The following CLVS1 variants were observed in gnomAD, a reference collection of about 807,000 sequenced individuals.
The protein encoded by CLVS1 is clavesin-1.
A neutral mutation model predicts 33.1 loss-of-function variants in CLVS1; 10 were observed. The ratio of observed to expected loss-of-function variants is 0.30; its 90% CI spans 0.19 to 0.51. The LOEUF (loss-of-function observed/expected upper bound fraction) is 0.51, where lower values mean the gene tolerates loss of function less well. Ranked by LOEUF, CLVS1 falls within the 20% of genes least tolerant of loss-of-function variation. CLVS1 has a pLI of 0.97. For synonymous variants in CLVS1, 163 were observed against 166.1 expected (o/e 0.98, Z 0.14); for missense variants, 343 against 433.4 (o/e 0.79, Z 1.85).
At chr8:61,045,759 G>A in the CLVS1 span, among the ~76,000 whole-genome samples, 1 of 152,206 alleles carries the variant, frequency 6.6e-6, no homozygotes, top group African/African-American at 2.4e-5. Flanking sequence ...GGAGGTGGCT[G>A]CTTCCATGAA....
upstream of CLVS1, among the ~76,000 whole-genome samples, chr8:61,285,593 T>C (rs959960601): frequency 2.6e-5 from 4 of 152,210 alleles, no homozygotes; most frequent in African/African-American, 9.6e-5. Context: ...ACCTCGCTCC[T>C]GGCACGCCCA....
upstream of CLVS1, among the ~76,000 whole-genome samples, chr8:61,052,685 T>C: frequency 6.6e-6 from 1 of 152,064 alleles, no homozygotes; most frequent in East Asian, 1.9e-4. Context: ...AGGAGATCAC[T>C]CTGGAGAAAT....
chr8:61,177,728 T>G (rs1026151375), intron 2 of CLVS1, among the ~76,000 whole-genome samples: 2 of 150,986 alleles, frequency 1.3e-5, no homozygotes, highest in Non-Finnish European at 2.9e-5. Context: ...CCTAGCAAAC[T>G]GCACAGCCCT....
chr8:61,068,229 G>GTATATATATATATATATATATATA (rs201671807), intron 1 of CLVS1, among the ~76,000 whole-genome samples: 1 of 101,004 alleles, frequency 9.9e-6, no homozygotes, highest in African/African-American at 3.6e-5. Flanking sequence ...GTATGTATGT[G>GTATATATATATATATATATATATA]TATATATATA....
At chr8:61,053,511 G>A (rs769485002), upstream of CLVS1, among the ~76,000 whole-genome samples, 2 of 152,220 alleles carry the variant, frequency 1.3e-5, no homozygotes, top group Non-Finnish European at 2.9e-5. Context: ...CAAAGTGGGG[G>A]CTATTGTTAA....
At chr8:61,077,391 G>T (rs1053136694) in intron 1 of CLVS1, among the ~76,000 whole-genome samples, 1 of 151,100 alleles carries the variant, frequency 6.6e-6, no homozygotes, top group Non-Finnish European at 1.5e-5. Flanking sequence ...TCTTGAAAGT[G>T]ATATCATTCA....
chr8:61,051,132 TC>T, the CLVS1 span, among the ~76,000 whole-genome samples: 22 of 152,128 alleles, frequency 1.4e-4, no homozygotes, highest in Non-Finnish European at 3.1e-4. Context: ...ATTAGAGAGC[TC>T]TAATTCCCAG....
chr8:61,166,137 T>A (rs200775940), intron 2 of CLVS1, among the ~76,000 whole-genome samples: 28,275 of 149,496 alleles, frequency 0.19, 2,771 homozygotes, highest in Admixed American at 0.26. Flanking sequence ...ATTTTATTTT[T>A]TTTTTTTTGA....
intron 1 of CLVS1, among the ~76,000 whole-genome samples, chr8:61,061,673 A>G (rs965686292): frequency 2.0e-4 from 31 of 151,926 alleles, no homozygotes; most frequent in African/African-American, 7.5e-4. Context: ...GGAGTTCTCT[A>G]GATAAACCGG....
chr8:61,012,009 G>A, the CLVS1 span, among the ~76,000 whole-genome samples: 1 of 152,188 alleles, frequency 6.6e-6, no homozygotes, highest in Non-Finnish European at 1.5e-5. Context: ...GGCCAGTGTG[G>A]CAAGGCACAC....
At chr8:61,250,157 C>A (rs1808904002) in intron 2 of CLVS1, among the ~76,000 whole-genome samples, 1 of 152,168 alleles carries the variant, frequency 6.6e-6, no homozygotes, top group Non-Finnish European at 1.5e-5. Context: ...TTTCCCAACA[C>A]CATCTATTCA....
At chr8:61,034,211 G>T in the CLVS1 span, among the ~76,000 whole-genome samples, 2 of 152,192 alleles carry the variant, frequency 1.3e-5, no homozygotes, top group Non-Finnish European at 2.9e-5. Context: ...AACAGGTTAA[G>T]AAGTTTTACC....
intron 2 of CLVS1, among the ~76,000 whole-genome samples, chr8:61,184,075 G>C (rs1807294453): frequency 6.6e-6 from 1 of 152,176 alleles, no homozygotes; most frequent in Admixed American, 6.5e-5. Context: ...ACCCCCTGCT[G>C]ACCCCTTAAT....
chr8:61,421,979 A>G (rs963444714), intron 3 of CLVS1, among the ~76,000 whole-genome samples: 1 of 151,940 alleles, frequency 6.6e-6, no homozygotes, highest in Non-Finnish European at 1.5e-5. Context: ...ATCTGAAAAT[A>G]TTGGGCTTTA....
At chr8:61,135,935 G>A (rs1056200928) in intron 2 of CLVS1, among the ~76,000 whole-genome samples, 2 of 152,190 alleles carry the variant, frequency 1.3e-5, no homozygotes, top group South Asian at 4.1e-4. Flanking sequence ...CGGGCTCTCC[G>A]GCTGACTCTC....
At chr8:61,112,179 T>TACACACAC (rs749547863) in intron 1 of CLVS1, among the ~76,000 whole-genome samples, 18 of 89,110 alleles carry the variant, frequency 2.0e-4, no homozygotes, top group Non-Finnish European at 2.1e-4. Flanking sequence ...TTCTCCGTGC[T>TACACACAC]ACACACACAC....
chr8:61,349,579 T>C (rs548121822), intron 2 of CLVS1, among the ~76,000 whole-genome samples: 2 of 152,064 alleles, frequency 1.3e-5, no homozygotes, highest in African/African-American at 4.8e-5. Flanking sequence ...GAAGGTTTTT[T>C]TGTTTTTGTT....
chr8:61,305,604 C>T (rs929783714), intron 2 of CLVS1, among the ~76,000 whole-genome samples: 11 of 152,066 alleles, frequency 7.2e-5, no homozygotes, highest in South Asian at 2.1e-4. Context: ...AGGTTTGTTA[C>T]GTAGGTAAAC....
At position 61,068,001 on chromosome 8, in the gene CLVS1, G is replaced by GAA. The variant is rs550244316; in HGVS notation, c.-243+10772_-243+10773insAA. ...GAAACTTGATATTGAGAGAGAGAGA[G>GAA]AGAGAGACCTTGTCTCTATAAAAAA... On this transcript the variant is annotated intron_variant, in intron 1 of 2. Transcript: ENST00000522621. Among the ~76,000 whole-genome samples the GAA allele has an allele frequency of 6.3e-3, 952 of 151,100 alleles. 11 individuals are homozygous for GAA. The highest frequency in any genetic ancestry group is 9.3e-3 in the Admixed American group (141 of 15,168).
Sources: gnomAD v4.1 joint callset for allele counts (sites outside exome capture counted in the v4.1 genomes callset) on GRCh38, gnomAD v4.1.1 for gene constraint, MANE v1.5 for transcripts, NCBI Gene and HGNC (gene_info 2026-07-23, HGNC 2026-07-21) for gene names.